Variants in CSF2RA observed in about 807,000 individuals in gnomAD.
CSF2RA encodes colony stimulating factor 2 receptor subunit alpha.
In CSF2RA, 42 loss-of-function variants were observed where a neutral mutation model predicts 51.6. The observed-to-expected ratio is 0.81, with a 90% CI of 0.64 to 1.05. CSF2RA has a LOEUF of 1.05. CSF2RA is among the 50% of genes least tolerant of loss of function. The pLI is 0.00. For synonymous variants in CSF2RA, 222 were observed against 193.0 expected, an observed-to-expected ratio of 1.15 and a Z score of -1.24; for missense variants, 530 against 501.1, an observed-to-expected ratio of 1.06 and a Z score of -0.55.
chrX:1,303,849 C>T, intron 10 of CSF2RA, 74 bp from the exon 11 acceptor site: 2 of 1,263,584 alleles, frequency 1.6e-6, no homozygotes, highest in East Asian at 2.3e-5. Context: ...CATTTGGACA[C>T]CCGAAGAGAT....
chrX:1,318,178 T>C, the CSF2RA span, among the ~76,000 whole-genome samples: 1 of 150,356 alleles, frequency 6.7e-6, no homozygotes, highest in South Asian at 2.1e-4. Flanking sequence ...AACTTTTTTT[T>C]TTGAGACAGA....
At chrX:1,316,262 A>G in the CSF2RA span, among the ~76,000 whole-genome samples, 1 of 31,426 alleles carries the variant, frequency 3.2e-5, no homozygotes, top group Non-Finnish European at 8.7e-5. Flanking sequence ...TAGATAGATG[A>G]TAGATAGATA....
intron 9 of CSF2RA, 82 bp from the exon 10 acceptor site, chrX:1,300,403 AAAACTT>A (rs1603432693): frequency 6.7e-7 from 1 of 1,491,870 alleles, no homozygotes. Context: ...AAAGGAGAAA[AAAACTT>A]AAAAGACAAA....
At chrX:1,274,410 C>G (rs183796010) in intron 1 of CSF2RA, among the ~76,000 whole-genome samples, 1 of 145,704 alleles carries the variant, frequency 6.9e-6, no homozygotes, top group Non-Finnish European at 1.5e-5. Flanking sequence ...CTGTAACCTC[C>G]GCCTCCCGTG....
the CSF2RA span, among the ~76,000 whole-genome samples, chrX:1,319,157 G>A: frequency 6.8e-6 from 1 of 148,022 alleles, no homozygotes; most frequent in Non-Finnish European, 1.5e-5. Flanking sequence ...CACCACGCCT[G>A]GCTAATTTTT....
At chrX:1,321,265 C>G in the CSF2RA span, among the ~76,000 whole-genome samples, 1 of 151,926 alleles carries the variant, frequency 6.6e-6, no homozygotes, top group Non-Finnish European at 1.5e-5. Context: ...GTCAGGAGAT[C>G]GAGACCATCC....
chrX:1,311,696 G>A (rs189913763), downstream of CSF2RA, among the ~76,000 whole-genome samples: 9 of 152,178 alleles, frequency 5.9e-5, no homozygotes, highest in Admixed American at 2.0e-4. Flanking sequence ...CCCCCTTGGC[G>A]TCTCCACGTG....
At chrX:1,319,251 C>T in the CSF2RA span, among the ~76,000 whole-genome samples, 7 of 149,908 alleles carry the variant, frequency 4.7e-5, no homozygotes, top group African/African-American at 1.7e-4. Context: ...CCGGCTCGGC[C>T]TCCCAAAGTG....
chrX:1,285,041 A>C (rs773475089), intron 3 of CSF2RA, among the ~76,000 whole-genome samples: 27 of 151,338 alleles, frequency 1.8e-4, no homozygotes, highest in African/African-American at 6.6e-4. Context: ...GTGCACCATC[A>C]CACCTGCCTA....
intron 1 of CSF2RA, among the ~76,000 whole-genome samples, chrX:1,272,049 G>T (rs1255391722): frequency 6.6e-6 from 1 of 151,150 alleles, no homozygotes. Flanking sequence ...CACCTTCCAG[G>T]TTCAACTGAT....
At chrX:1,310,872 C>G (rs1234570709), downstream of CSF2RA, among the ~76,000 whole-genome samples, 8 of 152,080 alleles carry the variant, frequency 5.3e-5, no homozygotes, top group Admixed American at 5.3e-4. Flanking sequence ...AGGGGGCGGA[C>G]TCCTTATAAA....
intron 12 of CSF2RA, among the ~76,000 whole-genome samples, chrX:1,306,176 G>A (rs2083549329): frequency 6.6e-6 from 1 of 151,724 alleles, no homozygotes; most frequent in African/African-American, 2.4e-5. Flanking sequence ...AGAGAGAGAG[G>A]AATGTAGAAG....
intron 2 of CSF2RA, chrX:1,281,750 C>T (rs1423752786): frequency 6.6e-6 from 1 of 151,692 alleles, no homozygotes; most frequent in Non-Finnish European, 1.5e-5. Flanking sequence ...AGTCTGCAGC[C>T]ATCTCAAAGT....
At chrX:1,280,643 C>A (rs1360637795) in intron 2 of CSF2RA, among the ~76,000 whole-genome samples, 1 of 149,640 alleles carries the variant, frequency 6.7e-6, no homozygotes, top group East Asian at 2.0e-4. Context: ...TCCTCCTTCT[C>A]CCCCCTTCCT....
At chrX:1,311,814 G>A (rs1437629986), downstream of CSF2RA, among the ~76,000 whole-genome samples, 21 of 152,062 alleles carry the variant, frequency 1.4e-4, no homozygotes, top group African/African-American at 4.3e-4. Context: ...AGACTAAGAC[G>A]AGACGGAAAT....
At chrX:1,290,721 C>T (rs1324099616) in intron 7 of CSF2RA, among the ~76,000 whole-genome samples, 1 of 151,910 alleles carries the variant, frequency 6.6e-6, no homozygotes, top group Non-Finnish European at 1.5e-5. Flanking sequence ...AAAAATTAGC[C>T]GGGCATGGTG....
chrX:1,313,179 T>A (rs1251702339), downstream of CSF2RA, among the ~76,000 whole-genome samples: 1 of 152,026 alleles, frequency 6.6e-6, no homozygotes, highest in African/African-American at 2.4e-5. Flanking sequence ...ATCCCAGCGC[T>A]TTGCCAGGCC....
chrX:1,305,601 G>T (rs1215880343), intron 12 of CSF2RA, 74 bp downstream of exon 12: 4 of 1,613,908 alleles, frequency 2.5e-6, no homozygotes, highest in Non-Finnish European at 2.5e-6. Context: ...CGGCCTCTGG[G>T]TGTCGACCAT....
At chrX:1,300,278 C>G (rs1168719484) in intron 9 of CSF2RA, 8 of 577,260 alleles carry the variant, frequency 1.4e-5, no homozygotes, top group Non-Finnish European at 2.4e-5. Context: ...CCAAATTTTC[C>G]CAACTTGTCT....
Sources: gnomAD v4.1 joint callset for allele counts (sites outside exome capture counted in the v4.1 genomes callset) on GRCh38, gnomAD v4.1.1 for gene constraint, MANE v1.5 for transcripts, NCBI Gene and HGNC (gene_info 2026-07-23, HGNC 2026-07-21) for gene names.